GRID2: variants seen among roughly 807,000 people sequenced by gnomAD.
The protein encoded by GRID2 is glutamate ionotropic receptor delta type subunit 2, also known as glutamate receptor ionotropic, delta-2.
Under a neutral mutation model 114.8 loss-of-function variants are expected in GRID2, and 33 were observed. The observed-to-expected ratio is 0.29, with a 90% confidence interval of 0.22 to 0.38. GRID2 has a LOEUF of 0.38. GRID2 is among the 10% of genes least tolerant of loss of function. The pLI is 1.00. For synonymous variants in GRID2, 505 were observed against 449.9 expected (o/e 1.12, Z -1.55); for missense variants, 1,184 against 1,257.7 (o/e 0.94, Z 0.89).
intron 13 of GRID2, among the ~76,000 whole-genome samples, chr4:93,622,541 C>T (rs75753353): frequency 0.025 from 3,797 of 152,202 alleles, 71 homozygotes; most frequent in South Asian, 0.067. Context: ...TGGTAGTCTT[C>T]GCATCACATT....
intron 13 of GRID2, among the ~76,000 whole-genome samples, chr4:93,607,883 T>A (rs1385111141): frequency 6.6e-6 from 1 of 152,050 alleles, no homozygotes; most frequent in African/African-American, 2.4e-5. Context: ...TCTAGTTAAA[T>A]CATTAGAGAA....
intron 2 of GRID2, among the ~76,000 whole-genome samples, chr4:92,704,725 C>CTCTT (rs1553918678): frequency 0.011 from 1,524 of 133,100 alleles, 15 homozygotes; most frequent in African/African-American, 0.021. Flanking sequence ...CTCTCTCTTT[C>CTCTT]TCTCTCTCTC....
chr4:92,940,828 T>C (rs970632590), intron 2 of GRID2, among the ~76,000 whole-genome samples: 26 of 152,328 alleles, frequency 1.7e-4, no homozygotes, highest in African/African-American at 5.3e-4. Flanking sequence ...GAGATAATCA[T>C]GTGGTTTTTG....
At chr4:92,396,234 C>T (rs7692135) in intron 1 of GRID2, among the ~76,000 whole-genome samples, 100,995 of 151,582 alleles carry the variant, frequency 0.67, 34,053 homozygotes, top group East Asian at 0.93. Context: ...TGGCATGGTA[C>T]TGTTTTATTT....
intron 8 of GRID2, among the ~76,000 whole-genome samples, chr4:93,273,725 G>T (rs1751752560): frequency 1.3e-5 from 2 of 152,154 alleles, no homozygotes; most frequent in Non-Finnish European, 2.9e-5. Flanking sequence ...TGAATTTGAA[G>T]ATGGAGGGAT....
At chr4:93,646,004 A>G (rs2149714550) in intron 14 of GRID2, among the ~76,000 whole-genome samples, 1 of 152,314 alleles carries the variant, frequency 6.6e-6, no homozygotes, top group Middle Eastern at 3.4e-3. Context: ...TAGAGATTAG[A>G]ATTCATGTTT....
At chr4:93,530,298 A>G (rs1216919547) in intron 13 of GRID2, among the ~76,000 whole-genome samples, 1 of 152,164 alleles carries the variant, frequency 6.6e-6, no homozygotes, top group Non-Finnish European at 1.5e-5. Flanking sequence ...TGTTTATGCT[A>G]GCATTCAAAA....
At chr4:93,453,907 A>G (rs1164004418) in intron 10 of GRID2, among the ~76,000 whole-genome samples, 1 of 152,032 alleles carries the variant, frequency 6.6e-6, no homozygotes, top group East Asian at 1.9e-4. Context: ...TCATCATTAA[A>G]ATCAAGATAA....
At chr4:92,371,786 A>G (rs1729129178) in intron 1 of GRID2, among the ~76,000 whole-genome samples, 2 of 152,210 alleles carry the variant, frequency 1.3e-5, no homozygotes, top group African/African-American at 4.8e-5. Context: ...AACATTTCAT[A>G]AGACTATAGC....
At chr4:92,534,011 A>G (rs1409400475) in intron 1 of GRID2, among the ~76,000 whole-genome samples, 5 of 152,066 alleles carry the variant, frequency 3.3e-5, no homozygotes. Flanking sequence ...ATAAATCCAT[A>G]TATTTAATTA....
chr4:93,368,245 G>T (rs1374571373), intron 8 of GRID2, among the ~76,000 whole-genome samples: 3 of 151,902 alleles, frequency 2.0e-5, no homozygotes, highest in African/African-American at 7.3e-5. Flanking sequence ...TTATTTACCA[G>T]AAATAAAAAA....
chr4:92,919,188 A>G (rs536193404), intron 2 of GRID2, among the ~76,000 whole-genome samples: 1 of 152,162 alleles, frequency 6.6e-6, no homozygotes, highest in Admixed American at 6.5e-5. Context: ...CTTTGGGATC[A>G]GTGGTGATAT....
At chr4:92,889,824 A>T (rs1160366721) in intron 2 of GRID2, among the ~76,000 whole-genome samples, 1 of 152,216 alleles carries the variant, frequency 6.6e-6, no homozygotes, top group Non-Finnish European at 1.5e-5. Context: ...TCCTAAGCAA[A>T]AAGAGCAAAG....
chr4:92,415,732 G>A (rs866930293), intron 1 of GRID2, among the ~76,000 whole-genome samples: 778 of 73,806 alleles, frequency 0.011, 10 homozygotes, highest in South Asian at 0.014. Flanking sequence ...GTGTGTGTGT[G>A]TATGTGTGTA....
At chr4:93,627,775 T>G (rs958068821) in intron 14 of GRID2, among the ~76,000 whole-genome samples, 1 of 152,246 alleles carries the variant, frequency 6.6e-6, no homozygotes, top group Admixed American at 6.5e-5. Context: ...ATGTGGCATA[T>G]GTTCCATCTG....
intron 2 of GRID2, among the ~76,000 whole-genome samples, chr4:92,721,054 C>T (rs1735786111): frequency 6.6e-6 from 1 of 151,872 alleles, no homozygotes; most frequent in Non-Finnish European, 1.5e-5. Flanking sequence ...AAGTCAGTGA[C>T]AAAAGGACAA....
intron 2 of GRID2, among the ~76,000 whole-genome samples, chr4:92,921,779 G>C (rs1348668416): frequency 1.3e-5 from 2 of 152,160 alleles, no homozygotes; most frequent in Non-Finnish European, 2.9e-5. Context: ...CACCCAGTTA[G>C]GCTACTCAGG....
chr4:92,335,080 G>A (rs1052679673), intron 1 of GRID2, among the ~76,000 whole-genome samples: 9 of 152,302 alleles, frequency 5.9e-5, no homozygotes, highest in African/African-American at 1.7e-4. Flanking sequence ...TTCAGCAGTT[G>A]ACTACTATAT....
chr4:93,142,211 T>TCAAA (rs982160743), intron 4 of GRID2, among the ~76,000 whole-genome samples: 3 of 152,150 alleles, frequency 2.0e-5, no homozygotes, highest in Non-Finnish European at 2.9e-5. Flanking sequence ...GGACCCTATC[T>TCAAA]CAAACAAACA....
Sources: allele counts gnomAD v4.1 joint callset (sites outside exome capture counted in the v4.1 genomes callset), GRCh38; gene constraint gnomAD v4.1.1; transcripts MANE v1.5; gene names NCBI Gene and HGNC (gene_info 2026-07-23, HGNC 2026-07-21).